The following SPON1 variants were observed in gnomAD, a reference collection of about 807,000 sequenced individuals.
SPON1 encodes the protein spondin 1.
A neutral mutation model predicts 111.7 loss-of-function variants in SPON1; 52 were observed. That is an observed-to-expected ratio of 0.47 (90% CI 0.37 to 0.59). The LOEUF (loss-of-function observed/expected upper bound fraction) is 0.59. Ranked by LOEUF, SPON1 falls within the 20% of genes least tolerant of loss-of-function variation. The pLI is 0.00. For missense variants in SPON1, 957 were observed against 1,068.5 expected, an observed-to-expected ratio of 0.90 and a Z score of 1.46; for synonymous variants, 410 against 395.8, an observed-to-expected ratio of 1.04 and a Z score of -0.43.
At chr11:14,225,544 A>G (rs1278589615) in intron 6 of SPON1, among the ~76,000 whole-genome samples, 1 of 152,268 alleles carries the variant, frequency 6.6e-6, no homozygotes, top group Middle Eastern at 3.4e-3. Flanking sequence ...GTGCTGTGCC[A>G]ATGAAGATAG....
chr11:14,214,829 TC>T (rs1848610787), intron 6 of SPON1, among the ~76,000 whole-genome samples: 1 of 151,998 alleles, frequency 6.6e-6, no homozygotes, highest in Admixed American at 6.6e-5. Flanking sequence ...TGTAACAAAC[TC>T]CCCCTGTGAG....
At chr11:14,127,020 C>T (rs535460919) in intron 5 of SPON1, among the ~76,000 whole-genome samples, 15 of 152,276 alleles carry the variant, frequency 9.9e-5, no homozygotes, top group African/African-American at 3.6e-4. Flanking sequence ...CCCAATCACC[C>T]AATCAGATTC....
chr11:14,162,157 C>CAAAAAAAAAAAAAAAAAGAAA (rs72139147), intron 6 of SPON1, among the ~76,000 whole-genome samples: 1 of 112,616 alleles, frequency 8.9e-6, no homozygotes, highest in Non-Finnish European at 1.9e-5. Flanking sequence ...GACTCTGTCT[C>CAAAAAAAAAAAAAAAAAGAAA]AAAAAAAAAA....
chr11:14,008,460 C>T (rs1463408553), intron 2 of SPON1, among the ~76,000 whole-genome samples: 2 of 152,212 alleles, frequency 1.3e-5, no homozygotes, highest in African/African-American at 2.4e-5. Context: ...ATGCTGATTC[C>T]TTTCATTCCT....
At chr11:13,992,600 G>A (rs933865665) in intron 2 of SPON1, among the ~76,000 whole-genome samples, 8 of 152,096 alleles carry the variant, frequency 5.3e-5, no homozygotes, top group East Asian at 1.9e-4. Flanking sequence ...AGGCACCACC[G>A]GGGTATGGAA....
chr11:14,173,830 C>T (rs1591399499), intron 6 of SPON1, among the ~76,000 whole-genome samples: 1 of 152,154 alleles, frequency 6.6e-6, no homozygotes, highest in East Asian at 1.9e-4. Context: ...GCAAACGTTT[C>T]TGCCTGATCG....
chr11:14,034,101 C>T (rs1554916356), intron 2 of SPON1, among the ~76,000 whole-genome samples: 2 of 152,086 alleles, frequency 1.3e-5, no homozygotes, highest in Admixed American at 6.5e-5. Flanking sequence ...TACTTGAACC[C>T]AGGAGTTCAC....
chr11:14,229,453 G>A (rs1422477738), intron 6 of SPON1, among the ~76,000 whole-genome samples: 1 of 152,082 alleles, frequency 6.6e-6, no homozygotes, highest in Admixed American at 6.5e-5. Context: ...TCAAAAGGTG[G>A]GTCAGGCAGT....
At chr11:14,062,957 T>C (rs1020054972) in intron 3 of SPON1, among the ~76,000 whole-genome samples, 1 of 152,066 alleles carries the variant, frequency 6.6e-6, no homozygotes, top group South Asian at 2.1e-4. Flanking sequence ...GGTTTTGCTC[T>C]TGTTCCCTTA....
At chr11:14,140,765 A>G (rs1368837265) in intron 6 of SPON1, among the ~76,000 whole-genome samples, 1 of 151,604 alleles carries the variant, frequency 6.6e-6, no homozygotes, top group Non-Finnish European at 1.5e-5. Flanking sequence ...GTGTCTTTAC[A>G]GTGACTTTGT....
At chr11:14,169,911 G>T (rs1848077063) in intron 6 of SPON1, among the ~76,000 whole-genome samples, 1 of 152,184 alleles carries the variant, frequency 6.6e-6, no homozygotes, top group Admixed American at 6.5e-5. Flanking sequence ...TTGTAGTATA[G>T]CTTGAAGTCA....
At chr11:13,963,499 A>G (rs942204466) in intron 1 of SPON1, among the ~76,000 whole-genome samples, 21 of 152,176 alleles carry the variant, frequency 1.4e-4, no homozygotes, top group African/African-American at 3.1e-4. Context: ...CCTTTCTCCA[A>G]ATCGGTCTGG....
intron 6 of SPON1, among the ~76,000 whole-genome samples, chr11:14,232,767 C>T (rs4756780): frequency 0.13 from 19,833 of 152,214 alleles, 1,609 homozygotes; most frequent in South Asian, 0.23. Flanking sequence ...ACTCCACAGC[C>T]GACTTCTCAA....
At chr11:14,111,984 G>T (rs984068659) in intron 5 of SPON1, among the ~76,000 whole-genome samples, 1 of 151,720 alleles carries the variant, frequency 6.6e-6, no homozygotes, top group Admixed American at 6.6e-5. Flanking sequence ...CACTTGGAAA[G>T]AACCTCATAC....
At chr11:14,165,185 A>G (rs1483924737) in intron 6 of SPON1, among the ~76,000 whole-genome samples, 3 of 152,216 alleles carry the variant, frequency 2.0e-5, no homozygotes, top group Non-Finnish European at 4.4e-5. Context: ...ACACCCAGGA[A>G]TGAACAAGGA....
Position 14,259,679 on chromosome 11 carries a change from G to C in SPON1, c.1809G>C (p.Glu603Asp). 1 of 1,574,136 alleles carries C rather than the reference G, an allele frequency of 6.4e-7. No individual in the cohort carries two copies. Among genetic ancestry groups the C allele is most frequent in the Non-Finnish European group, 8.6e-7 (1 of 1,159,934 alleles). Residue 603 changes from glutamate to aspartate, a missense_variant, in exon 13 of 16, where the codon GAG becomes GAC. Glu to Asp is a conservative substitution (Grantham distance 45). Transcript: ENST00000576479. The surrounding 1 kb of genome is among the most constrained non-coding windows in gnomAD (Gnocchi z 5.0). ...GCAAAGCCGAGACATCACAGGCAGAGAAGTGCATGATGCCAGAGTGCCGTG... is the reference window on the plus strand; with the variant it reads ...GCAAAGCCGAGACATCACAGGCAGACAAGTGCATGATGCCAGAGTGCCGTG... The part of the protein sequence containing the change: ...SMCKAETSQA[E>D]KCMMPECHTI...
chr11:14,221,072 C>T (rs1451233934), intron 6 of SPON1, among the ~76,000 whole-genome samples: 2 of 152,204 alleles, frequency 1.3e-5, no homozygotes, highest in African/African-American at 4.8e-5. Context: ...TCGTTCTGAA[C>T]ATTTCTACTC....
chr11:13,984,618 A>C (rs1453838914), intron 2 of SPON1, among the ~76,000 whole-genome samples: 1 of 152,212 alleles, frequency 6.6e-6, no homozygotes, highest in Non-Finnish European at 1.5e-5. Flanking sequence ...ACCTCTTATT[A>C]GGCCCTACCT....
At chr11:14,061,732 T>C (rs562091972) in intron 3 of SPON1, among the ~76,000 whole-genome samples, 1 of 152,242 alleles carries the variant, frequency 6.6e-6, no homozygotes, top group Non-Finnish European at 1.5e-5. Context: ...AACAGTCAGA[T>C]TGCAGACATT....
Sources: gnomAD v4.1 joint callset for allele counts (sites outside exome capture counted in the v4.1 genomes callset) on GRCh38, gnomAD v4.1.1 for gene constraint, Gnocchi (gnomAD v3.1) non-coding constraint, MANE v1.5 for transcripts, NCBI Gene and HGNC (gene_info 2026-07-23, HGNC 2026-07-21) for gene names.